The following SLC28A1 variants were observed in gnomAD, a reference collection of about 807,000 sequenced individuals.
SLC28A1 encodes the protein sodium/nucleoside cotransporter 1.
A neutral mutation model predicts 74.8 loss-of-function variants in SLC28A1; 64 were observed. The observed-to-expected ratio is 0.86, with a 90% CI of 0.70 to 1.05. The LOEUF (loss-of-function observed/expected upper bound fraction) is 1.05, where lower values mean the gene tolerates loss of function less well. Ranked by LOEUF, SLC28A1 falls within the 50% of genes least tolerant of loss-of-function variation. SLC28A1 has a pLI of 0.00. For synonymous variants in SLC28A1, 359 were observed against 335.0 expected (o/e 1.07, Z -0.78); for missense variants, 828 against 822.8 (o/e 1.01, Z -0.08).
intron 1 of SLC28A1, chr15:84,886,468 A>G (rs1411441939): frequency 1.0e-6 from 1 of 985,254 alleles, no homozygotes; most frequent in Non-Finnish European, 1.2e-6. Flanking sequence ...GGAACTGGGG[A>G]GAGGGCAGAG....
chr15:84,937,698 T>A (rs1014384793), intron 15 of SLC28A1, among the ~76,000 whole-genome samples: 1 of 151,648 alleles, frequency 6.6e-6, no homozygotes, highest in African/African-American at 2.4e-5. Flanking sequence ...GGTCAGGAGT[T>A]TGAGACCAGC....
chr15:84,948,475 A>G (rs1039389504), downstream of SLC28A1, among the ~76,000 whole-genome samples: 13 of 152,164 alleles, frequency 8.5e-5, no homozygotes, highest in African/African-American at 3.1e-4. Context: ...TGCCTGACTC[A>G]GGGCAGGCCA....
chr15:84,947,235 C>A (rs1342036318), downstream of SLC28A1, among the ~76,000 whole-genome samples: 2 of 152,222 alleles, frequency 1.3e-5, no homozygotes, highest in Non-Finnish European at 2.9e-5. Context: ...TCTCTGCAGC[C>A]CTCCCTCAGT....
At chr15:84,915,339 G>A (rs1968933220) in intron 9 of SLC28A1, among the ~76,000 whole-genome samples, 1 of 152,182 alleles carries the variant, frequency 6.6e-6, no homozygotes, top group Non-Finnish European at 1.5e-5. Context: ...AGCAGGGCTT[G>A]CCTCCCAGCT....
At chr15:84,952,478 G>A in the SLC28A1 span, among the ~76,000 whole-genome samples, 1 of 152,236 alleles carries the variant, frequency 6.6e-6, no homozygotes, top group South Asian at 2.1e-4. Flanking sequence ...CGGACCATGA[G>A]TGAGCCTGAC....
intron 4 of SLC28A1, 69 bp downstream of exon 4, chr15:84,888,929 G>C: frequency 2.6e-6 from 3 of 1,136,866 alleles, no homozygotes; most frequent in Non-Finnish European, 3.9e-6. Flanking sequence ...ATGGGGAGCC[G>C]GGCCTCCTGG....
intron 6 of SLC28A1, among the ~76,000 whole-genome samples, chr15:84,897,836 C>T (rs928273129): frequency 6.6e-6 from 1 of 152,226 alleles, no homozygotes; most frequent in African/African-American, 2.4e-5. Context: ...TGTCTATCTT[C>T]ATAAGATGTA....
chr15:84,947,608 T>G (rs1466484644), downstream of SLC28A1, among the ~76,000 whole-genome samples: 1 of 152,226 alleles, frequency 6.6e-6, no homozygotes, highest in Non-Finnish European at 1.5e-5. Flanking sequence ...AAGTCCAAAA[T>G]CAAGGTGCTA....
At chr15:84,965,902 GA>G in the SLC28A1 span, among the ~76,000 whole-genome samples, 10,999 of 142,826 alleles carry the variant, frequency 0.077, 564 homozygotes, top group East Asian at 0.14. Context: ...GGGAGGCGGG[GA>G]GGGGGGGGAA....
At chr15:84,920,499 A>G (rs914250447) in intron 10 of SLC28A1, among the ~76,000 whole-genome samples, 9 of 112,296 alleles carry the variant, frequency 8.0e-5, no homozygotes, top group Non-Finnish European at 5.8e-5. Flanking sequence ...AGGGCTTTCT[A>G]ATAGAATGTT....
intron 9 of SLC28A1, among the ~76,000 whole-genome samples, chr15:84,916,793 T>C (rs1969160036): frequency 6.6e-6 from 1 of 151,880 alleles, no homozygotes; most frequent in South Asian, 2.1e-4. Context: ...TTTGGGAGAA[T>C]GGGGTGGGCA....
chr15:84,934,791 A>G (rs1426648215), intron 13 of SLC28A1, among the ~76,000 whole-genome samples: 1 of 152,202 alleles, frequency 6.6e-6, no homozygotes, highest in African/African-American at 2.4e-5. Flanking sequence ...AACTCAATTC[A>G]GACAGCCTCC....
intron 6 of SLC28A1, among the ~76,000 whole-genome samples, chr15:84,897,711 A>G (rs12913577): frequency 0.13 from 20,321 of 152,190 alleles, 1,418 homozygotes; most frequent in Admixed American, 0.15. Flanking sequence ...TTACTGATCT[A>G]TCTGTCACTA....
intron 6 of SLC28A1, chr15:84,895,333 G>A: frequency 6.2e-7 from 1 of 1,613,028 alleles, no homozygotes; most frequent in Non-Finnish European, 8.5e-7. Flanking sequence ...TACAGCAGGT[G>A]ACTGTGGTGG....
chr15:84,924,917 T>TTTGAGACGGAGTC (rs1970305552), intron 12 of SLC28A1, among the ~76,000 whole-genome samples: 1 of 150,854 alleles, frequency 6.6e-6, no homozygotes, highest in Non-Finnish European at 1.5e-5. Context: ...TTTGTTTGTT[T>TTTGAGACGGAGTC]TTGAGACGGA....
chr15:84,926,722 TTTGGAGA>T, intron 12 of SLC28A1, among the ~76,000 whole-genome samples: 1 of 148,698 alleles, frequency 6.7e-6, no homozygotes, highest in South Asian at 2.2e-4. Flanking sequence ...TATGTGCTGA[TTTGGAGA>T]TTGACCCTGC....
At chr15:84,946,108 ATATATTTTTTT>A (rs1452121740), downstream of SLC28A1, among the ~76,000 whole-genome samples, 3 of 11,126 alleles carry the variant, frequency 2.7e-4, no homozygotes, top group African/African-American at 8.2e-4. Flanking sequence ...ATATATATAT[ATATATTTTTTT>A]TTTTTTTTTT....
intron 9 of SLC28A1, 117 bp from the exon 10 acceptor site, chr15:84,918,407 G>A: frequency 1.3e-6 from 1 of 788,202 alleles, no homozygotes. Flanking sequence ...ATCCTGTCAG[G>A]CATCTGAGTG....
chr15:84,928,542 C>G (rs1236405307), intron 12 of SLC28A1, among the ~76,000 whole-genome samples: 1 of 18,490 alleles, frequency 5.4e-5, no homozygotes, highest in Admixed American at 4.8e-4. Context: ...TTCTTTCTTT[C>G]TTTCTTTCTT....
Sources: allele counts gnomAD v4.1 joint callset (sites outside exome capture counted in the v4.1 genomes callset), GRCh38; gene constraint gnomAD v4.1.1; transcripts MANE v1.5; gene names NCBI Gene and HGNC (gene_info 2026-07-23, HGNC 2026-07-21).